The following MAGI2 variants were observed in gnomAD, a reference collection of about 807,000 sequenced individuals.
MAGI2 encodes the protein membrane associated guanylate kinase, WW and PDZ domain containing 2, also known as membrane-associated guanylate kinase, WW and PDZ domain-containing protein 2.
Under a neutral mutation model 133.3 loss-of-function variants are expected in MAGI2, and 35 were observed. That is an observed-to-expected ratio of 0.26 (90% CI 0.20 to 0.35). MAGI2 has a LOEUF of 0.35. Among genes scored for constraint, MAGI2 ranks in the 10% least tolerant of loss-of-function variants. The pLI is 1.00. For synonymous variants in MAGI2, 729 were observed against 710.6 expected (o/e 1.03, Z -0.41); for missense variants, 1,636 against 1,863.4 (o/e 0.88, Z 2.25).
chr7:78,538,825 G>A (rs1003479592), intron 3 of MAGI2, among the ~76,000 whole-genome samples: 2 of 152,054 alleles, frequency 1.3e-5, no homozygotes, highest in Non-Finnish European at 2.9e-5. Context: ...TGATTTGGAT[G>A]TCCTTTATTT....
chr7:78,123,516 C>T (rs1287794774), intron 20 of MAGI2, among the ~76,000 whole-genome samples: 1 of 152,074 alleles, frequency 6.6e-6, no homozygotes, highest in African/African-American at 2.4e-5. Context: ...CTAAGTAAAA[C>T]AACGGTTACT....
intron 1 of MAGI2, among the ~76,000 whole-genome samples, chr7:79,134,464 G>T (rs545402214): frequency 6.6e-6 from 1 of 152,266 alleles, no homozygotes; most frequent in South Asian, 2.1e-4. Flanking sequence ...CTCCCACTTA[G>T]ATGAGTTTCA....
At chr7:78,219,351 A>G (rs1394456169) in intron 10 of MAGI2, among the ~76,000 whole-genome samples, 1 of 152,192 alleles carries the variant, frequency 6.6e-6, no homozygotes, top group Non-Finnish European at 1.5e-5. Context: ...TATTGATTGA[A>G]TGGCTACTGC....
At chr7:78,795,315 T>G (rs1218872019) in intron 2 of MAGI2, among the ~76,000 whole-genome samples, 1 of 151,834 alleles carries the variant, frequency 6.6e-6, no homozygotes, top group East Asian at 1.9e-4. Flanking sequence ...AAATTTTTTA[T>G]TTAGAAAAAA....
Position 78,194,950 on chromosome 7 carries a change from T to G in MAGI2, c.2193A>C (p.Ser731=). ...GCTTCCGTGGGTCAAAGGCCTCTGT[T>G]GAGTCAGGAAAGGAGCTCCTGTGAA... ...PALHRSSFPD[S]TEAFDPRKPD... Residue 731 remains serine (S), a synonymous_variant, in exon 12 of 22, where the codon TCA becomes TCC. Coordinates refer to ENST00000354212, the MANE Select transcript of MAGI2 (RefSeq NM_012301.4). 6.2e-7 allele frequency: 1 copy of G among 1,614,134 alleles called. No homozygotes were observed. The highest frequency in any genetic ancestry group is 8.5e-7 in the Non-Finnish European group (1 of 1,179,992).
At chr7:79,397,110 A>T (rs966142711) in intron 1 of MAGI2, among the ~76,000 whole-genome samples, 1 of 150,670 alleles carries the variant, frequency 6.6e-6, no homozygotes, top group Admixed American at 6.6e-5. Context: ...TATGAAAATC[A>T]TAGAATAAAC....
chr7:78,327,090 A>T (rs1393646765), intron 9 of MAGI2, among the ~76,000 whole-genome samples: 1 of 151,786 alleles, frequency 6.6e-6, no homozygotes, highest in Non-Finnish European at 1.5e-5. Flanking sequence ...CTCAAGCTTG[A>T]CCTCTTTCAC....
At chr7:78,093,136 CA>C (rs1157039018) in intron 20 of MAGI2, among the ~76,000 whole-genome samples, 6,344 of 32,138 alleles carry the variant, frequency 0.2, 114 homozygotes, top group Non-Finnish European at 0.25. Flanking sequence ...ACTCCTTCTC[CA>C]AAAAAAAAAA....
chr7:78,034,164 T>C (rs1809909241), intron 21 of MAGI2, among the ~76,000 whole-genome samples: 1 of 152,182 alleles, frequency 6.6e-6, no homozygotes, highest in Admixed American at 6.5e-5. Flanking sequence ...CCAGGTGCTG[T>C]GTTTGAAGTT....
chr7:78,674,550 T>A (rs1337050088), intron 2 of MAGI2, among the ~76,000 whole-genome samples: 2 of 152,136 alleles, frequency 1.3e-5, no homozygotes, highest in African/African-American at 4.8e-5. Flanking sequence ...TAATGTGTAA[T>A]TTTTAATATT....
chr7:79,228,990 T>C (rs1313934960), intron 1 of MAGI2, among the ~76,000 whole-genome samples: 1 of 152,144 alleles, frequency 6.6e-6, no homozygotes, highest in Non-Finnish European at 1.5e-5. Context: ...TATTAGCCCA[T>C]GTGGATTAAA....
At chr7:78,335,838 G>A (rs1789707504) in intron 9 of MAGI2, among the ~76,000 whole-genome samples, 1 of 152,126 alleles carries the variant, frequency 6.6e-6, no homozygotes, top group South Asian at 2.1e-4. Flanking sequence ...ACATTACTGG[G>A]CTCAGTGAAC....
intron 2 of MAGI2, among the ~76,000 whole-genome samples, chr7:78,672,497 T>G (rs754712822): frequency 5.3e-5 from 8 of 152,198 alleles, no homozygotes; most frequent in Non-Finnish European, 7.3e-5. Context: ...ATAAGACAGA[T>G]GAAGGCATGC....
intron 2 of MAGI2, among the ~76,000 whole-genome samples, chr7:78,698,609 C>T (rs1229556774): frequency 1.3e-5 from 2 of 152,198 alleles, no homozygotes; most frequent in African/African-American, 4.8e-5. Flanking sequence ...AGCCTGTTCT[C>T]ACACTGTTAA....
At chr7:79,434,667 G>A (rs1027977361) in intron 1 of MAGI2, among the ~76,000 whole-genome samples, 24 of 152,074 alleles carry the variant, frequency 1.6e-4, no homozygotes, top group Non-Finnish European at 3.2e-4. Flanking sequence ...TTCAAAGATG[G>A]AGCTGTAGGT....
At chr7:79,444,795 C>T (rs1848728902) in intron 1 of MAGI2, among the ~76,000 whole-genome samples, 1 of 152,078 alleles carries the variant, frequency 6.6e-6, no homozygotes, top group African/African-American at 2.4e-5. Context: ...ACTTTCTTCA[C>T]AGAATTGGAA....
At chr7:78,850,597 T>C (rs994790116) in intron 2 of MAGI2, among the ~76,000 whole-genome samples, 1 of 152,074 alleles carries the variant, frequency 6.6e-6, no homozygotes, top group African/African-American at 2.4e-5. Context: ...GTTCTTATCC[T>C]TACTTCCTTG....
At chr7:78,958,579 TG>T in intron 2 of MAGI2, among the ~76,000 whole-genome samples, 1 of 152,288 alleles carries the variant, frequency 6.6e-6, no homozygotes, top group East Asian at 1.9e-4. Context: ...GAAAATTAAA[TG>T]TATAAAAAGT....
chr7:79,273,236 C>CA (rs5885123), intron 1 of MAGI2, among the ~76,000 whole-genome samples: 90,539 of 150,070 alleles, frequency 0.6, 28,792 homozygotes, highest in Non-Finnish European at 0.7. Flanking sequence ...GATGGTAGGC[C>CA]AAAAAAAAAT....
Sources: allele counts gnomAD v4.1 joint callset (sites outside exome capture counted in the v4.1 genomes callset), GRCh38; gene constraint gnomAD v4.1.1; transcripts MANE v1.5; gene names NCBI Gene and HGNC (gene_info 2026-07-23, HGNC 2026-07-21).